SMOC1: variants seen among roughly 807,000 people sequenced by gnomAD.
The protein encoded by SMOC1 is SPARC-related modular calcium-binding protein 1.
A neutral mutation model predicts 56.3 loss-of-function variants in SMOC1; 22 were observed. That is an observed-to-expected ratio of 0.39 (90% CI 0.28 to 0.56). The LOEUF is 0.56. Ranked by LOEUF, SMOC1 falls within the 20% of genes least tolerant of loss-of-function variation. The pLI is 0.61. For missense variants in SMOC1, 509 were observed against 565.4 expected, an observed-to-expected ratio of 0.90 and a Z score of 1.01; for synonymous variants, 193 against 215.0, an observed-to-expected ratio of 0.90 and a Z score of 0.89.
At chr14:69,886,062 CT>C in intron 1 of SMOC1, 1 of 1,582,022 alleles carries the variant, frequency 6.3e-7, no homozygotes, top group South Asian at 1.1e-5. Context: ...GGATTCACCA[CT>C]TTCTTAGCCT....
intron 1 of SMOC1, among the ~76,000 whole-genome samples, chr14:69,946,986 C>T (rs1882805876): frequency 6.6e-6 from 1 of 152,132 alleles, no homozygotes. Flanking sequence ...CTGAGGCCTC[C>T]CCAGAAGCAG....
chr14:69,975,760 G>A lies in SMOC1; in HGVS notation c.424G>A (p.Asp142Asn), dbSNP rs1191367861. The A allele has an allele frequency of 6.2e-7, 1 of 1,613,136 alleles. No homozygotes were observed. Among genetic ancestry groups the A allele is most frequent in the Non-Finnish European group, 8.5e-7 (1 of 1,180,010 alleles). ...YTGYCWCVTP[D>N]GKPISGSSVQ... ...TGGGTACTGCTGGTGTGTCACCCCG[G>A]ATGGGAAGCCCATCAGTGGCTCTTC... The change falls in exon 4 of 12, where the codon GAT (aspartate) becomes AAT (asparagine). Residue 142 changes from aspartate to asparagine, a missense_variant. Around this residue, in one of 3 missense-constraint regions of SMOC1, gnomAD observed 315 missense variants for 333.1 expected, o/e 0.95. Transcript: ENST00000361956.
Position 69,994,489 on chromosome 14 carries a change from C to A in SMOC1, c.664+9C>A, listed in dbSNP as rs367618550. 2.2e-5 allele frequency: 35 copies of A among 1,605,038 alleles called. No individual in the cohort carries two copies. The Middle Eastern group carries it at 5.0e-4, about 23-fold the overall frequency. On this transcript the variant is annotated intron_variant, in intron 7 of 11. Coordinates refer to ENST00000361956, the MANE Select transcript of SMOC1 (RefSeq NM_001034852.3). ...CAACATAAGAAATTCAGGTAAATAA[C>A]CTTCCTTGGATTATATATGTACCCA...
At chr14:70,007,429 A>G (rs1566708444) in intron 7 of SMOC1, among the ~76,000 whole-genome samples, 2 of 152,226 alleles carry the variant, frequency 1.3e-5, no homozygotes, top group Non-Finnish European at 2.9e-5. Flanking sequence ...CAAAGAGAGA[A>G]AAATATCCAG....
intron 7 of SMOC1, among the ~76,000 whole-genome samples, chr14:70,006,960 C>T (rs1885168372): frequency 6.6e-6 from 1 of 152,174 alleles, no homozygotes; most frequent in Non-Finnish European, 1.5e-5. Context: ...ATTCTATTGG[C>T]CAAAGCAAAC....
At position 69,879,647 on chromosome 14, in the gene SMOC1, C is replaced by T. The variant is rs113345223; in HGVS notation, c.-32C>T. The T allele has an allele frequency of 4.1e-6, 6 of 1,462,560 alleles. No individual in the cohort carries two copies. Among genetic ancestry groups the T allele is most frequent in the Non-Finnish European group, 5.4e-6 (6 of 1,112,464 alleles). The allele number at this position is 1,462,560 out of a possible 1,614,324, so 90.6% of individuals were successfully genotyped here. A position where few individuals can be genotyped will look rare whatever the true frequency, so the allele number is the denominator to read the frequency against. Reference sequence around the variant, plus strand: ...CGCCCCGCGGAGCCCGCGAACCCCGCTCGCTGCCGGCTGCCCAGCCTGGCT... The same window carrying T: ...CGCCCCGCGGAGCCCGCGAACCCCGTTCGCTGCCGGCTGCCCAGCCTGGCT... On this transcript the variant is annotated 5_prime_UTR_variant, in exon 1 of 12. Transcript: ENST00000361956.
At chr14:69,914,390 C>T (rs1284493010) in intron 1 of SMOC1, among the ~76,000 whole-genome samples, 1 of 152,126 alleles carries the variant, frequency 6.6e-6, no homozygotes. Context: ...CTTATATTTA[C>T]AAAAATGGGG....
Position 69,977,811 on chromosome 14 carries a change from AT to A in SMOC1, c.479-106del. The stretch of plus-strand genomic sequence containing the variant: ...ATCCTTAGATGTGTATACAATACAT[AT>A]ATACATGACCATATGCTCATAACAT... On this transcript the variant is annotated intron_variant, in intron 4 of 11. Transcript: ENST00000361956. 3.6e-6 allele frequency: 3 copies of A among 844,946 alleles called. No individual in the cohort carries two copies. In the Admixed American group the frequency reaches 5.2e-5, roughly 15 times the overall value. 52.3% of individuals were successfully genotyped at this position (844,946 alleles called of 1,614,324 possible). A position where few individuals can be genotyped will look rare whatever the true frequency, so the allele number is the denominator to read the frequency against.
intron 1 of SMOC1, among the ~76,000 whole-genome samples, chr14:69,897,140 C>T (rs1161246651): frequency 5.3e-5 from 8 of 152,052 alleles, no homozygotes; most frequent in Admixed American, 6.5e-5. Flanking sequence ...CTTTTCTGGC[C>T]CCCCCTCCTC....
chr14:69,886,788 G>A (rs1011852283), intron 1 of SMOC1, among the ~76,000 whole-genome samples: 1 of 152,292 alleles, frequency 6.6e-6, no homozygotes, highest in Non-Finnish European at 1.5e-5. Flanking sequence ...GGGGGATTTA[G>A]CTGAAGTGCT....
chr14:69,967,899 C>A (rs994430840), intron 3 of SMOC1, among the ~76,000 whole-genome samples: 1 of 152,148 alleles, frequency 6.6e-6, no homozygotes, highest in Non-Finnish European at 1.5e-5. Context: ...ATAACCTATT[C>A]CAAACTGAGG....
At chr14:69,915,028 G>A (rs912384012) in intron 1 of SMOC1, among the ~76,000 whole-genome samples, 16 of 152,094 alleles carry the variant, frequency 1.1e-4, no homozygotes, top group South Asian at 2.1e-4. Context: ...CACCACGCCC[G>A]GCTAATTTTT....
chr14:70,012,992 C>A (rs1373939359), intron 9 of SMOC1, among the ~76,000 whole-genome samples: 1 of 152,166 alleles, frequency 6.6e-6, no homozygotes, highest in Admixed American at 6.5e-5. Flanking sequence ...GCCCCTAGTT[C>A]TTACCCCTAG....
chr14:69,899,220 C>T (rs1884175269), intron 1 of SMOC1, among the ~76,000 whole-genome samples: 2 of 152,320 alleles, frequency 1.3e-5, no homozygotes, highest in African/African-American at 4.8e-5. Flanking sequence ...TGGCTGCCTT[C>T]TCCCTCTTCT....
At chr14:69,891,146 T>C (rs990801117) in intron 1 of SMOC1, among the ~76,000 whole-genome samples, 3 of 152,212 alleles carry the variant, frequency 2.0e-5, no homozygotes, top group Non-Finnish European at 4.4e-5. Flanking sequence ...TACATAAAGG[T>C]TGAAAGCATG....
Position 69,952,268 on chromosome 14 carries a change from C to G in SMOC1, c.230C>G (p.Pro77Arg). ...TACCAGCGAGCCAAGTGCCGAGACC[C>G]GACCCTGGGCGTGGTGCATCGAGGT... is the stretch of plus-strand genomic sequence containing the variant. ...CEYQRAKCRD[P>R]TLGVVHRGRC... is the part of the protein sequence containing the mutation. Residue 77 changes from proline (P) to arginine (R), a missense_variant, in exon 2 of 12, where the codon CCG (proline) becomes CGG (arginine). By Grantham distance (103) the Pro-to-Arg change is moderately radical. Around this residue, in one of 3 missense-constraint regions of SMOC1, gnomAD observed 315 missense variants for 333.1 expected, o/e 0.95. Coordinates refer to ENST00000361956, the MANE Select transcript of SMOC1 (RefSeq NM_001034852.3). The G allele has an allele frequency of 1.2e-6, 2 of 1,614,152 alleles. No individual in the cohort carries two copies. The highest frequency in any genetic ancestry group is 1.7e-6 in the Non-Finnish European group (2 of 1,180,026).
chr14:69,881,471 T>A (rs1386587592), intron 1 of SMOC1, among the ~76,000 whole-genome samples: 1 of 152,080 alleles, frequency 6.6e-6, no homozygotes, highest in Non-Finnish European at 1.5e-5. Flanking sequence ...AAGCAACCTT[T>A]AGGGGAAAGC....
rs75662931 is a variant in SMOC1, at chr14:69,888,848, A to G, written c.99+9071A>G. 2.4e-3 allele frequency among the ~76,000 whole-genome samples: 373 copies of G among 152,312 alleles called. 1 individual carries two copies. The highest frequency in any genetic ancestry group is 8.4e-3 in the African/African-American group (349 of 41,564). On this transcript the variant is annotated intron_variant, in intron 1 of 11. Transcript: ENST00000361956. ...CTTCTGCCAAACCCCTGGGGAGAGG[A>G]CACATTGTAGATAACAAATAAAAGA...
intron 1 of SMOC1, among the ~76,000 whole-genome samples, chr14:69,916,370 A>G (rs1884687089): frequency 6.6e-6 from 1 of 152,280 alleles, no homozygotes; most frequent in Non-Finnish European, 1.5e-5. Flanking sequence ...TAACTGCAGT[A>G]GTTGCCACAC....
Sources: gnomAD v4.1 joint callset for allele counts (sites outside exome capture counted in the v4.1 genomes callset) on GRCh38, gnomAD v4.1.1 for gene constraint, gnomAD v4.1.1 regional missense constraint, MANE v1.5 for transcripts, NCBI Gene and HGNC (gene_info 2026-07-23, HGNC 2026-07-21) for gene names.